Variants in ME3 observed in about 807,000 individuals in gnomAD.
The protein encoded by ME3 is malic enzyme 3, also known as NADP-dependent malic enzyme, mitochondrial.
ME3 carries 48 observed loss-of-function variants against 68.9 expected under a neutral mutation model. The ratio of observed to expected loss-of-function variants is 0.70; its 90% CI spans 0.55 to 0.89. The LOEUF (loss-of-function observed/expected upper bound fraction) is 0.89. Among genes scored for constraint, ME3 ranks in the 40% least tolerant of loss-of-function variants. The pLI is 0.00. For synonymous variants in ME3, 320 were observed against 318.8 expected, an observed-to-expected ratio of 1.00 and a Z score of -0.04; for missense variants, 675 against 797.4, an observed-to-expected ratio of 0.85 and a Z score of 1.85.
intron 2 of ME3, among the ~76,000 whole-genome samples, chr11:86,664,535 G>A (rs1211758550): frequency 6.6e-6 from 1 of 152,184 alleles, no homozygotes; most frequent in Non-Finnish European, 1.5e-5. Context: ...TCCCTCTTGT[G>A]TTCCGGGCAC....
chr11:86,645,414 G>C (rs503155), intron 2 of ME3, among the ~76,000 whole-genome samples: 28,606 of 152,004 alleles, frequency 0.19, 2,765 homozygotes, highest in African/African-American at 0.23. Context: ...TGAGTAGGCC[G>C]TTTTCCCCTC....
chr11:86,514,808 T>C lies in ME3; in HGVS notation c.468-5941A>G, dbSNP rs148615412. 1.7e-4 allele frequency among the ~76,000 whole-genome samples: 26 copies of C among 152,338 alleles called. No homozygotes were observed. The East Asian group carries it at 3.5e-3, about 20-fold the overall frequency. On this transcript the variant is annotated intron_variant, in intron 4 of 14. Coordinates refer to ENST00000543262, the Ensembl canonical transcript of ME3. ...ATACATTACAGTGTCTGCTGGCCCA[T>C]AGTAAATACATAACAAATGGTAGCT...
At chr11:86,643,971 T>C (rs1463110997) in intron 2 of ME3, among the ~76,000 whole-genome samples, 2 of 152,210 alleles carry the variant, frequency 1.3e-5, no homozygotes, top group South Asian at 4.1e-4. Flanking sequence ...GGGGATCAGA[T>C]GAGATGACCA....
At chr11:86,508,199 T>C (rs1484798914) in intron 5 of ME3, among the ~76,000 whole-genome samples, 1 of 152,062 alleles carries the variant, frequency 6.6e-6, no homozygotes, top group Non-Finnish European at 1.5e-5. Context: ...ATCATAGGCT[T>C]TTACTCTTGG....
intron 2 of ME3, among the ~76,000 whole-genome samples, chr11:86,611,263 G>T (rs1216488542): frequency 1.3e-5 from 2 of 151,934 alleles, no homozygotes; most frequent in East Asian, 1.9e-4. Context: ...GGGAGATGTT[G>T]GTCAAAGGGT....
chr11:86,518,866 A>T (rs625925), intron 4 of ME3, among the ~76,000 whole-genome samples: 38,900 of 152,044 alleles, frequency 0.26, 5,484 homozygotes, highest in African/African-American at 0.38. Flanking sequence ...GAAATAGCCA[A>T]GGGATGATAG....
intron 2 of ME3, among the ~76,000 whole-genome samples, chr11:86,656,663 G>T (rs1328040832): frequency 6.6e-6 from 1 of 151,636 alleles, no homozygotes; most frequent in African/African-American, 2.4e-5. Flanking sequence ...ATGAGTTAAT[G>T]GGTGCAGCAC....
intron 8 of ME3, among the ~76,000 whole-genome samples, chr11:86,459,330 C>G (rs917929829): frequency 1.3e-5 from 2 of 152,140 alleles, no homozygotes; most frequent in Non-Finnish European, 2.9e-5. Context: ...ACATGTGGCC[C>G]TCTCCTCACC....
intron 8 of ME3, among the ~76,000 whole-genome samples, chr11:86,460,239 G>A (rs1950164716): frequency 6.6e-6 from 1 of 152,254 alleles, no homozygotes; most frequent in African/African-American, 2.4e-5. Context: ...CTGGGCCTGG[G>A]CCAAGGCTTT....
chr11:86,637,498 G>A (rs1944409465), intron 2 of ME3, among the ~76,000 whole-genome samples: 1 of 152,178 alleles, frequency 6.6e-6, no homozygotes, highest in African/African-American at 2.4e-5. Context: ...AGCCAGCAGG[G>A]CTAAGAGAAG....
At chr11:86,659,878 C>T (rs939728191) in intron 2 of ME3, among the ~76,000 whole-genome samples, 6 of 151,608 alleles carry the variant, frequency 4.0e-5, no homozygotes, top group African/African-American at 1.2e-4. Context: ...ACCAATCAAT[C>T]GATAGATAGA....
exon 13 of ME3, chr11:86,446,441 A>G (rs766910633): frequency 5.0e-6 from 8 of 1,614,258 alleles, no homozygotes; most frequent in Non-Finnish European, 6.8e-6. Context: ...GCCATCTTCC[A>G]GAGTCACACT....
chr11:86,603,760 C>G (rs1254239267), intron 2 of ME3, among the ~76,000 whole-genome samples: 5 of 151,858 alleles, frequency 3.3e-5, no homozygotes, highest in African/African-American at 1.2e-4. Flanking sequence ...GAATACTATG[C>G]AGCCATAAAA....
chr11:86,523,909 C>T (rs1288134490), intron 4 of ME3, among the ~76,000 whole-genome samples: 2 of 152,086 alleles, frequency 1.3e-5, no homozygotes, highest in African/African-American at 4.8e-5. Flanking sequence ...ACAGATGTTT[C>T]CAATTAGAAC....
At chr11:86,528,616 C>G (rs1954957391) in intron 4 of ME3, among the ~76,000 whole-genome samples, 2 of 152,206 alleles carry the variant, frequency 1.3e-5, no homozygotes, top group East Asian at 3.9e-4. Context: ...GTAAAGCACT[C>G]CTCAGCAAAT....
At chr11:86,626,641 T>A (rs994948629) in intron 2 of ME3, among the ~76,000 whole-genome samples, 1 of 152,216 alleles carries the variant, frequency 6.6e-6, no homozygotes, top group Non-Finnish European at 1.5e-5. Context: ...ACATTTTCTG[T>A]AAAGGGCCAG....
chr11:86,627,129 G>A (rs1412982383), intron 2 of ME3, among the ~76,000 whole-genome samples: 1 of 152,214 alleles, frequency 6.6e-6, no homozygotes, highest in Non-Finnish European at 1.5e-5. Flanking sequence ...AGGCAGTATG[G>A]GGCCAGCCCA....
At chr11:86,539,932 A>C (rs1301993600) in intron 4 of ME3, among the ~76,000 whole-genome samples, 1 of 152,228 alleles carries the variant, frequency 6.6e-6, no homozygotes, top group Admixed American at 6.5e-5. Context: ...AATGCTGACA[A>C]CACCTCACTA....
intron 5 of ME3, among the ~76,000 whole-genome samples, chr11:86,501,184 A>AATT (rs1365934278): frequency 1.3e-5 from 2 of 150,482 alleles, no homozygotes; most frequent in Non-Finnish European, 3.0e-5. Flanking sequence ...ATATAATAAT[A>AATT]ATAATAATAA....
Sources: gnomAD v4.1 joint callset for allele counts (sites outside exome capture counted in the v4.1 genomes callset) on GRCh38, gnomAD v4.1.1 for gene constraint, MANE v1.5 for transcripts, NCBI Gene and HGNC (gene_info 2026-07-23, HGNC 2026-07-21) for gene names.